SYT1: variants seen among roughly 807,000 people sequenced by gnomAD.
The protein encoded by SYT1 is synaptotagmin-1.
SYT1 carries 8 observed loss-of-function variants against 44.8 expected under a neutral mutation model. That is an observed-to-expected ratio of 0.18 (90% CI 0.10 to 0.32). The LOEUF is 0.32. Ranked by LOEUF, SYT1 falls within the 10% of genes least tolerant of loss-of-function variation. The probability of loss-of-function intolerance (pLI) is 1.00; values close to 1 mark genes in which losing one functional copy is unlikely to be tolerated. For synonymous variants in SYT1, 154 were observed against 188.8 expected (o/e 0.82, Z 1.51); for missense variants, 286 against 509.3 (o/e 0.56, Z 4.22).
intron 2 of SYT1, among the ~76,000 whole-genome samples, chr12:78,985,727 T>C (rs929168413): frequency 2.0e-5 from 3 of 152,088 alleles, no homozygotes; most frequent in Middle Eastern, 6.8e-3. Context: ...TTTCATAATT[T>C]AGTGTCTAGA....
chr12:79,208,403 G>A (rs1033750069), intron 3 of SYT1, among the ~76,000 whole-genome samples: 4 of 152,148 alleles, frequency 2.6e-5, no homozygotes, highest in Non-Finnish European at 5.9e-5. Context: ...CAAGTCTTTA[G>A]TACATGGTAA....
intron 1 of SYT1, among the ~76,000 whole-genome samples, chr12:78,893,286 G>T (rs1875156491): frequency 6.6e-6 from 1 of 151,612 alleles, no homozygotes; most frequent in Non-Finnish European, 1.5e-5. Flanking sequence ...AAAATATATG[G>T]ATTAGCACTG....
intron 3 of SYT1, among the ~76,000 whole-genome samples, chr12:79,059,122 G>A (rs1026844534): frequency 3.3e-5 from 5 of 152,154 alleles, no homozygotes; most frequent in South Asian, 2.1e-4. Context: ...AAGGGAGCAC[G>A]TGCAGAGGAA....
intron 3 of SYT1, among the ~76,000 whole-genome samples, chr12:79,171,876 A>G (rs914254389): frequency 6.6e-6 from 1 of 152,004 alleles, no homozygotes; most frequent in Admixed American, 6.6e-5. Flanking sequence ...AGAGGATTAA[A>G]TGATAGCATG....
At chr12:79,263,196 T>A (rs1267475148) in intron 4 of SYT1, among the ~76,000 whole-genome samples, 2 of 152,082 alleles carry the variant, frequency 1.3e-5, no homozygotes, top group African/African-American at 2.4e-5. Context: ...GGGTGAGTGC[T>A]AAGCTTTTTC....
rs188887401 is a variant in SYT1 at position 79,334,804 on chromosome 12, A to T, written c.811-18698A>T. ...ATAGGTTGCCCTTTGTATTCTTAAA[A>T]ATCTTTTCAAGTGGGATCACCTTTT... On this transcript the variant is annotated intron_variant, in intron 8 of 10. Transcript: ENST00000261205. Among the ~76,000 whole-genome samples, 528 of 152,228 alleles carry T rather than the reference A, an allele frequency of 3.5e-3. 1 individual carries two copies. The highest frequency in any genetic ancestry group is 4.0e-3 in the Non-Finnish European group (271 of 68,006).
chr12:79,366,325 C>T (rs1883541975), intron 9 of SYT1, among the ~76,000 whole-genome samples: 1 of 152,162 alleles, frequency 6.6e-6, no homozygotes, highest in Non-Finnish European at 1.5e-5. Context: ...TTAAAAGAGG[C>T]AGTGAATGTT....
At chr12:79,018,192 T>C (rs1387650908) in intron 2 of SYT1, among the ~76,000 whole-genome samples, 1 of 151,584 alleles carries the variant, frequency 6.6e-6, no homozygotes, top group African/African-American at 2.4e-5. Context: ...ATGTCCTTTG[T>C]AGGGACATGG....
At chr12:78,931,319 GGGAGGGAGGGAGGGAGGGAAGGAA>G (rs1315360345) in intron 1 of SYT1, among the ~76,000 whole-genome samples, 2 of 22,162 alleles carry the variant, frequency 9.0e-5, no homozygotes, top group African/African-American at 6.3e-4. Context: ...GAGGGAGGGA[GGGAGGGAGGGAGGGAGGGAAGGAA>G]GGAAGGAAGG....
intron 3 of SYT1, among the ~76,000 whole-genome samples, chr12:79,122,037 T>C (rs1745509784): frequency 6.6e-6 from 1 of 152,218 alleles, no homozygotes; most frequent in African/African-American, 2.4e-5. Flanking sequence ...CTTTCAGCAC[T>C]TTTTGAAGTA....
intron 2 of SYT1, among the ~76,000 whole-genome samples, chr12:79,019,737 CAT>C (rs1300129056): frequency 6.6e-6 from 1 of 151,898 alleles, no homozygotes; most frequent in Non-Finnish European, 1.5e-5. Flanking sequence ...GTCAGAGAAA[CAT>C]AAAACTGCTG....
At chr12:78,957,136 A>G (rs751052882) in intron 1 of SYT1, among the ~76,000 whole-genome samples, 3 of 152,256 alleles carry the variant, frequency 2.0e-5, no homozygotes, top group East Asian at 1.9e-4. Context: ...TCAATTGTCA[A>G]TTTACCGGAA....
intron 4 of SYT1, among the ~76,000 whole-genome samples, chr12:79,282,898 A>G (rs1176163961): frequency 2.6e-5 from 4 of 152,160 alleles, no homozygotes; most frequent in Non-Finnish European, 4.4e-5. Flanking sequence ...TCTTCAATAA[A>G]CTTTTAGCCT....
intron 1 of SYT1, among the ~76,000 whole-genome samples, chr12:78,869,837 G>C (rs1240902552): frequency 6.6e-6 from 1 of 152,000 alleles, no homozygotes; most frequent in Non-Finnish European, 1.5e-5. Context: ...ATGCAAATGA[G>C]AGGTCAAAGT....
At chr12:79,081,580 T>C (rs1204631070) in intron 3 of SYT1, among the ~76,000 whole-genome samples, 5 of 152,172 alleles carry the variant, frequency 3.3e-5, no homozygotes. Context: ...GGTTTCATCA[T>C]GTTGGCCAGT....
chr12:79,054,356 G>A (rs1044285948), intron 3 of SYT1, among the ~76,000 whole-genome samples: 6 of 151,890 alleles, frequency 4.0e-5, no homozygotes, highest in Middle Eastern at 3.2e-3. Flanking sequence ...TCCTTCAGAT[G>A]CTAAAAATAA....
intron 1 of SYT1, among the ~76,000 whole-genome samples, chr12:78,951,180 CCTTA>C (rs1325800772): frequency 6.6e-6 from 1 of 152,132 alleles, no homozygotes; most frequent in Admixed American, 6.6e-5. Context: ...CATAATAAAT[CCTTA>C]CTTGTAACTT....
chr12:78,915,372 C>T (rs371728830), intron 1 of SYT1, among the ~76,000 whole-genome samples: 1 of 151,884 alleles, frequency 6.6e-6, no homozygotes, highest in South Asian at 2.1e-4. Flanking sequence ...GATGCATAGC[C>T]AAGGTTAAGA....
At chr12:79,329,058 A>G (rs1881739349) in intron 8 of SYT1, among the ~76,000 whole-genome samples, 1 of 152,156 alleles carries the variant, frequency 6.6e-6, no homozygotes, top group South Asian at 2.1e-4. Context: ...AAACCGCTAC[A>G]ATCATCCGCT....
Sources: allele counts gnomAD v4.1 joint callset (sites outside exome capture counted in the v4.1 genomes callset), GRCh38; gene constraint gnomAD v4.1.1; transcripts MANE v1.5; gene names NCBI Gene and HGNC (gene_info 2026-07-23, HGNC 2026-07-21).